Variants in WBP1L observed in about 807,000 individuals in gnomAD.
WBP1L encodes the protein WW domain binding protein 1-like.
Under a neutral mutation model 33.7 loss-of-function variants are expected in WBP1L, and 17 were observed. That is an observed-to-expected ratio of 0.50 (90% CI 0.34 to 0.76). The LOEUF (loss-of-function observed/expected upper bound fraction) is 0.76, where lower values mean the gene tolerates loss of function less well. WBP1L is among the 30% of genes least tolerant of loss of function. WBP1L has a pLI of 0.01. For missense variants in WBP1L, 389 were observed against 469.4 expected, an observed-to-expected ratio of 0.83 and a Z score of 1.58; for synonymous variants, 173 against 190.8, an observed-to-expected ratio of 0.91 and a Z score of 0.77.
chr10:102,812,305 G>A (rs1471757926), intron 3 of WBP1L, among the ~76,000 whole-genome samples: 1 of 152,214 alleles, frequency 6.6e-6, no homozygotes, highest in East Asian at 1.9e-4. Flanking sequence ...TACCACGTTT[G>A]CCTAATTCTC....
At position 102,791,129 on chromosome 10, in the gene WBP1L, A is replaced by T. The variant is rs539126458; in HGVS notation, c.91-6864A>T. 1.3e-4 allele frequency among the ~76,000 whole-genome samples: 20 copies of T among 152,138 alleles called. No individual in the cohort carries two copies. In the South Asian group the frequency reaches 4.2e-3, roughly 32 times the overall value. ...AGCTTTGTACTGGTTCTCAGTTCCA[A>T]TTCCCTGTTTCAGGTGGGCCCAAGA... On this transcript the variant is annotated intron_variant, in intron 1 of 3. Coordinates refer to ENST00000448841, the MANE Select transcript of WBP1L (RefSeq NM_001083913.2).
intron 1 of WBP1L, among the ~76,000 whole-genome samples, chr10:102,791,195 T>C (rs1843492862): frequency 6.6e-6 from 1 of 152,228 alleles, no homozygotes; most frequent in Non-Finnish European, 1.5e-5. Context: ...TGGAAAGGCC[T>C]GATCTCATTT....
intron 1 of WBP1L, among the ~76,000 whole-genome samples, chr10:102,795,365 C>T (rs1245884607): frequency 2.0e-5 from 3 of 152,186 alleles, no homozygotes; most frequent in African/African-American, 7.2e-5. Context: ...AGCCGAGAAA[C>T]TTCCGTACTG....
At chr10:102,798,450 C>T (rs1843604209) in intron 2 of WBP1L, among the ~76,000 whole-genome samples, 3 of 151,126 alleles carry the variant, frequency 2.0e-5, no homozygotes, top group East Asian at 3.9e-4. Context: ...TTTTTTTTGA[C>T]GGAGTCTCGC....
intron 1 of WBP1L, among the ~76,000 whole-genome samples, chr10:102,766,585 T>C (rs1333812766): frequency 6.6e-6 from 1 of 151,838 alleles, no homozygotes; most frequent in African/African-American, 2.4e-5. Flanking sequence ...ATCGCACCAC[T>C]GCAGTCCAGC....
rs1480756144 is a variant in WBP1L, at chr10:102,763,160, T to C, written c.90+19017T>C. ...CAGAGGCTGCAGTGAGCTGAGATCA[T>C]CGCACCATTGCACTCCAGCCTGGGT... On this transcript the variant is annotated intron_variant, in intron 1 of 3. Coordinates refer to ENST00000448841, the MANE Select transcript of WBP1L (RefSeq NM_001083913.2). Among the ~76,000 whole-genome samples, 3 of 138,162 alleles carry C rather than the reference T, an allele frequency of 2.2e-5. No homozygotes were observed. In the Admixed American group the frequency reaches 2.4e-4, roughly 11 times the overall value. The allele number at this position is 138,162 out of a possible 152,430, so 90.6% of individuals were successfully genotyped here.
At chr10:102,793,278 CA>C (rs1233202957) in intron 1 of WBP1L, among the ~76,000 whole-genome samples, 1 of 151,828 alleles carries the variant, frequency 6.6e-6, no homozygotes, top group African/African-American at 2.4e-5. Context: ...CTGCCTCTAC[CA>C]AAAAAGTAAA....
At chr10:102,756,788 G>A (rs1043085057) in intron 1 of WBP1L, among the ~76,000 whole-genome samples, 1 of 152,030 alleles carries the variant, frequency 6.6e-6, no homozygotes, top group African/African-American at 2.4e-5. Context: ...GGATCTGCAG[G>A]CCGGGTCCAC....
chr10:102,777,573 T>TC (rs1285605915), intron 1 of WBP1L, among the ~76,000 whole-genome samples: 1 of 136,970 alleles, frequency 7.3e-6, no homozygotes, highest in Non-Finnish European at 1.6e-5. Flanking sequence ...TTTTTTTTTT[T>TC]TTTTTTTTTT....
chr10:102,808,299 A>T lies in WBP1L; in HGVS notation c.194-1594A>T, dbSNP rs573242867. On this transcript the variant is annotated intron_variant, in intron 2 of 3. Coordinates refer to ENST00000448841, the MANE Select transcript of WBP1L (RefSeq NM_001083913.2). The stretch of plus-strand genomic sequence containing the variant: ...ATGTCATTATTTTTGTTTTCCTTTC[A>T]GTTCTTTCCCCCTCGTGCGTATATG... Among the ~76,000 whole-genome samples, 253 of 152,258 alleles carry T rather than the reference A, an allele frequency of 1.7e-3. 1 individual carries two copies. Among genetic ancestry groups the T allele is most frequent in the African/African-American group, 5.9e-3 (247 of 41,558 alleles).
chr10:102,800,531 A>G (rs975728392), intron 2 of WBP1L, among the ~76,000 whole-genome samples: 9 of 152,236 alleles, frequency 5.9e-5, no homozygotes, highest in African/African-American at 1.7e-4. Flanking sequence ...CTCTCTAGCT[A>G]CGGGCGTTTA....
In WBP1L at chr10:102,814,306, G is replaced by A. The variant is rs284857; in HGVS notation, c.*975G>A. The A allele has an allele frequency of 0.57, 86,233 of 152,192 alleles. 24,606 individuals are homozygous for A. The highest frequency in any genetic ancestry group is 0.65 in the Middle Eastern group (189 of 292). 9.4% of individuals were successfully genotyped at this position (152,192 alleles called of 1,614,324 possible). A position where few individuals can be genotyped will look rare whatever the true frequency, so the allele number is the denominator to read the frequency against. The stretch of plus-strand genomic sequence containing the variant: ...TCTCTGCCTCTCTGCCCTTTGGTCT[G>A]TGTTCACAGGTGACCCGTGTCAGCC... On this transcript the variant is annotated 3_prime_UTR_variant, in exon 4 of 4. Coordinates refer to ENST00000448841, the MANE Select transcript of WBP1L (RefSeq NM_001083913.2).
At chr10:102,811,639 T>C (rs1837158598) in intron 3 of WBP1L, among the ~76,000 whole-genome samples, 1 of 152,332 alleles carries the variant, frequency 6.6e-6, no homozygotes, top group South Asian at 2.1e-4. Context: ...GCTTCCCAAG[T>C]AGCTGGGACT....
At chr10:102,773,768 G>A (rs1008113256) in intron 1 of WBP1L, among the ~76,000 whole-genome samples, 5 of 151,796 alleles carry the variant, frequency 3.3e-5, no homozygotes, top group South Asian at 4.2e-4. Flanking sequence ...GCGTGGTGGC[G>A]TGTGCCTGTA....
chr10:102,788,668 C>A (rs555251510), intron 1 of WBP1L, among the ~76,000 whole-genome samples: 1 of 152,230 alleles, frequency 6.6e-6, no homozygotes, highest in African/African-American at 2.4e-5. Flanking sequence ...TTACCAAAAT[C>A]ATTTAGAACT....
At chr10:102,789,372 GTCT>G (rs1383926107) in intron 1 of WBP1L, among the ~76,000 whole-genome samples, 1 of 152,130 alleles carries the variant, frequency 6.6e-6, no homozygotes, top group African/African-American at 2.4e-5. Context: ...AGCTACACTA[GTCT>G]TCTTTCTCTT....
intron 1 of WBP1L, among the ~76,000 whole-genome samples, chr10:102,790,788 A>C (rs1222417957): frequency 1.3e-5 from 2 of 152,008 alleles, no homozygotes; most frequent in Non-Finnish European, 2.9e-5. Context: ...TGGAATTACA[A>C]GCGTGAGCCA....
intron 1 of WBP1L, among the ~76,000 whole-genome samples, chr10:102,748,844 C>T (rs1842894975): frequency 6.6e-6 from 1 of 152,164 alleles, no homozygotes; most frequent in Non-Finnish European, 1.5e-5. Context: ...CTAAGAAGAA[C>T]TTCATTAAGG....
chr10:102,796,940 A>G (rs1843580226), intron 1 of WBP1L, among the ~76,000 whole-genome samples: 1 of 152,188 alleles, frequency 6.6e-6, no homozygotes, highest in Non-Finnish European at 1.5e-5. Flanking sequence ...ATCCTCATCC[A>G]CCAGTGCTGT....
Sources: allele counts gnomAD v4.1 joint callset (sites outside exome capture counted in the v4.1 genomes callset), GRCh38; gene constraint gnomAD v4.1.1; transcripts MANE v1.5; gene names NCBI Gene and HGNC (gene_info 2026-07-23, HGNC 2026-07-21).